Variants in ESRRG observed in about 807,000 individuals in gnomAD.
ESRRG encodes the protein estrogen-related receptor gamma.
In ESRRG, 13 loss-of-function variants were observed where a neutral mutation model predicts 44.0. That is an observed-to-expected ratio of 0.30 (90% CI 0.19 to 0.47). ESRRG has a LOEUF of 0.47. ESRRG is among the 20% of genes least tolerant of loss of function. The probability of loss-of-function intolerance (pLI) is 1.00; values close to 1 mark genes in which losing one functional copy is unlikely to be tolerated. For synonymous variants in ESRRG, 215 were observed against 214.6 expected, an observed-to-expected ratio of 1.00 and a Z score of -0.02; for missense variants, 395 against 580.6, an observed-to-expected ratio of 0.68 and a Z score of 3.29.
At chr1:217,126,391 G>T (rs1330630917) in intron 1 of ESRRG, among the ~76,000 whole-genome samples, 2 of 152,104 alleles carry the variant, frequency 1.3e-5, no homozygotes, top group Non-Finnish European at 2.9e-5. Flanking sequence ...AAGTGGTACA[G>T]TGCAGAAAGG....
chr1:216,630,225 A>G (rs2063902076), intron 3 of ESRRG, among the ~76,000 whole-genome samples: 2 of 152,152 alleles, frequency 1.3e-5, no homozygotes, highest in Admixed American at 6.6e-5. Context: ...TGTTACTTTC[A>G]TTCTCATTTT....
chr1:216,843,217 T>C (rs1194122212), intron 2 of ESRRG, among the ~76,000 whole-genome samples: 2 of 152,072 alleles, frequency 1.3e-5, no homozygotes, highest in Non-Finnish European at 2.9e-5. Flanking sequence ...AATTTTGTTT[T>C]TTTTTAATAT....
intron 2 of ESRRG, among the ~76,000 whole-genome samples, chr1:216,667,879 T>G (rs1054960385): frequency 6.6e-6 from 1 of 151,930 alleles, no homozygotes; most frequent in African/African-American, 2.4e-5. Flanking sequence ...GTGGATCAAC[T>G]GAGGTCAGGA....
intron 3 of ESRRG, among the ~76,000 whole-genome samples, chr1:216,608,165 A>G (rs1191796091): frequency 2.6e-5 from 4 of 152,220 alleles, no homozygotes; most frequent in African/African-American, 7.2e-5. Context: ...AATTAGTATC[A>G]CTGATGAAAT....
At chr1:217,124,682 G>A (rs1460488693) in intron 1 of ESRRG, among the ~76,000 whole-genome samples, 1 of 152,126 alleles carries the variant, frequency 6.6e-6, no homozygotes, top group Non-Finnish European at 1.5e-5. Flanking sequence ...GCCACTGCCT[G>A]AGGAAAAGAA....
intron 2 of ESRRG, among the ~76,000 whole-genome samples, chr1:216,745,640 A>C (rs1417939549): frequency 6.6e-6 from 1 of 152,068 alleles, no homozygotes; most frequent in Non-Finnish European, 1.5e-5. Context: ...GCGTGTATTC[A>C]ATGCAGGCTG....
chr1:217,118,918 C>T (rs2102489285), intron 1 of ESRRG, among the ~76,000 whole-genome samples: 1 of 152,058 alleles, frequency 6.6e-6, no homozygotes, highest in African/African-American at 2.4e-5. Flanking sequence ...CACTTGAGCC[C>T]AGCATTAGAG....
Position 217,051,210 on chromosome 1 carries a change from G to C in ESRRG, c.-106+38297C>G, listed in dbSNP as rs865975938. ...AAGGAGTGGATAATGGGGGCGGGGG[G>C]GGGGGGTGCCAGGGGAATTGTAAGA... On this transcript the variant is annotated intron_variant, in intron 1 of 7. Transcript: ENST00000359162. 1.7e-3 allele frequency among the ~76,000 whole-genome samples: 189 copies of C among 110,766 alleles called. 2 individuals are homozygous for C. Among genetic ancestry groups the C allele is most frequent in the African/African-American group, 4.7e-3 (159 of 33,842 alleles). The allele number at this position is 110,766 out of a possible 152,430, so 72.7% of individuals were successfully genotyped here.
intron 1 of ESRRG, among the ~76,000 whole-genome samples, chr1:216,979,418 C>T (rs2073546531): frequency 6.6e-6 from 1 of 152,128 alleles, no homozygotes; most frequent in Admixed American, 6.6e-5. Context: ...CTGCCATTTG[C>T]CAGTCACTGT....
chr1:216,956,094 T>A (rs2067899898), intron 1 of ESRRG, among the ~76,000 whole-genome samples: 1 of 152,162 alleles, frequency 6.6e-6, no homozygotes, highest in South Asian at 2.1e-4. Context: ...GTTTTTACAG[T>A]CTTACATACA....
chr1:216,576,157 CAG>C (rs1391799254), intron 3 of ESRRG, among the ~76,000 whole-genome samples: 1 of 152,000 alleles, frequency 6.6e-6, no homozygotes, highest in Admixed American at 6.6e-5. Context: ...GGGAGTCCCA[CAG>C]AGTCTATTTT....
chr1:216,680,682 A>C (rs1234133184), intron 1 of ESRRG, among the ~76,000 whole-genome samples: 1 of 152,188 alleles, frequency 6.6e-6, no homozygotes, highest in Non-Finnish European at 1.5e-5. Flanking sequence ...AGCTCATTAC[A>C]CTGAACACTT....
chr1:216,974,243 CAAAGA>C (rs765282587), intron 1 of ESRRG, among the ~76,000 whole-genome samples: 19 of 152,230 alleles, frequency 1.2e-4, no homozygotes, highest in African/African-American at 3.6e-4. Context: ...GTTCCCAAAA[CAAAGA>C]AAAGACAAAT....
chr1:216,636,631 T>C (rs1014124167), intron 3 of ESRRG, among the ~76,000 whole-genome samples: 3 of 152,194 alleles, frequency 2.0e-5, no homozygotes, highest in Non-Finnish European at 4.4e-5. Flanking sequence ...AATCAATGCA[T>C]TAACTGAGGC....
At chr1:216,692,612 A>T (rs2079277656) in intron 1 of ESRRG, among the ~76,000 whole-genome samples, 1 of 152,184 alleles carries the variant, frequency 6.6e-6, no homozygotes, top group Non-Finnish European at 1.5e-5. Context: ...TAGAGTGTTT[A>T]TAAAGTCTAC....
At chr1:216,757,307 G>A (rs1305820381) in intron 2 of ESRRG, among the ~76,000 whole-genome samples, 1 of 151,956 alleles carries the variant, frequency 6.6e-6, no homozygotes, top group Non-Finnish European at 1.5e-5. Flanking sequence ...ATGGGAGACT[G>A]ACAACCTCTA....
intron 1 of ESRRG, among the ~76,000 whole-genome samples, chr1:216,947,110 AT>A: frequency 6.6e-6 from 1 of 152,014 alleles, no homozygotes. Flanking sequence ...TATCCACTTC[AT>A]CTCCAAGTCT....
chr1:217,032,531 T>C (rs1363160220), intron 1 of ESRRG, among the ~76,000 whole-genome samples: 1 of 152,204 alleles, frequency 6.6e-6, no homozygotes, highest in Non-Finnish European at 1.5e-5. Context: ...TTGTAACTGC[T>C]TGAACTGGAG....
chr1:216,643,737 A>G (rs1453555755), intron 3 of ESRRG, among the ~76,000 whole-genome samples: 1 of 152,184 alleles, frequency 6.6e-6, no homozygotes, highest in East Asian at 1.9e-4. Context: ...ACTTTAGGTA[A>G]GAAGCCTGGT....
Sources: gnomAD v4.1 joint callset for allele counts (sites outside exome capture counted in the v4.1 genomes callset) on GRCh38, gnomAD v4.1.1 for gene constraint, MANE v1.5 for transcripts, NCBI Gene and HGNC (gene_info 2026-07-23, HGNC 2026-07-21) for gene names.